The following NUDC variants were observed in gnomAD, a reference collection of about 807,000 sequenced individuals.
NUDC encodes the protein nuclear distribution C, dynein complex regulator.
Under a neutral mutation model 45.0 loss-of-function variants are expected in NUDC, and 14 were observed. The observed-to-expected ratio is 0.31, with a 90% CI of 0.21 to 0.49. NUDC has a LOEUF of 0.49. Among genes scored for constraint, NUDC ranks in the 20% least tolerant of loss-of-function variants. The pLI is 0.99. For missense variants in NUDC, 323 were observed against 426.2 expected (o/e 0.76, Z 2.13); for synonymous variants, 153 against 156.7 (o/e 0.98, Z 0.17).
At chr1:26,911,767 G>T (rs953374399) in intron 3 of NUDC, 2 of 1,581,442 alleles carry the variant, frequency 1.3e-6, no homozygotes, top group East Asian at 2.2e-5. Context: ...AGGAGCATTG[G>T]GTCACCTCTG....
At chr1:26,944,307 C>G (rs2082302202) in intron 6 of NUDC, among the ~76,000 whole-genome samples, 2 of 152,246 alleles carry the variant, frequency 1.3e-5, no homozygotes, top group Admixed American at 1.3e-4. Flanking sequence ...CTCCCGGGCT[C>G]AAACGACCCT....
intron 8 of NUDC, among the ~76,000 whole-genome samples, chr1:26,945,893 G>A (rs968013602): frequency 3.9e-5 from 6 of 152,142 alleles, no homozygotes; most frequent in Non-Finnish European, 7.4e-5. Flanking sequence ...TGCATGATAG[G>A]AGGGAAGGGG....
exon 1 of NUDC, chr1:26,900,338 C>T (rs746093577): frequency 5.0e-6 from 8 of 1,614,002 alleles, no homozygotes; most frequent in African/African-American, 4.0e-5. Context: ...CTTCTCGGAA[C>T]TGGCTAAAAT....
intron 2 of NUDC, among the ~76,000 whole-genome samples, chr1:26,934,466 CT>C (rs1318846262): frequency 1.3e-5 from 2 of 152,146 alleles, no homozygotes; most frequent in African/African-American, 2.4e-5. Context: ...CATTCTGCCC[CT>C]GGTACCCCCG....
At chr1:26,944,146 G>A (rs938463664) in intron 6 of NUDC, among the ~76,000 whole-genome samples, 16 of 151,784 alleles carry the variant, frequency 1.1e-4, no homozygotes, top group East Asian at 1.9e-4. Flanking sequence ...CGCCCACCTC[G>A]GCCTCCCAAA....
chr1:26,931,369 C>T (rs1253767198), intron 2 of NUDC, among the ~76,000 whole-genome samples: 9 of 142,054 alleles, frequency 6.3e-5, no homozygotes, highest in South Asian at 2.3e-4. Flanking sequence ...TGAACCACTG[C>T]GCCTGGCCTT....
chr1:26,926,423 T>C (rs768288152), intron 2 of NUDC, among the ~76,000 whole-genome samples: 5 of 152,204 alleles, frequency 3.3e-5, no homozygotes, highest in Non-Finnish European at 5.9e-5. Context: ...CATCTTTACA[T>C]CTGTAAAATG....
chr1:26,912,100 G>A (rs372780699), intron 3 of NUDC: 2 of 1,612,676 alleles, frequency 1.2e-6, no homozygotes, highest in African/African-American at 2.7e-5. Context: ...TGGGCAGAGA[G>A]GGAGAAGAGG....
intron 3 of NUDC, chr1:26,913,696 TG>T: frequency 6.2e-7 from 1 of 1,611,000 alleles, no homozygotes; most frequent in Non-Finnish European, 8.5e-7. Context: ...CCGCTGGTCC[TG>T]GGGAGGCAGC....
At chr1:26,914,715 C>A (rs1385673233) in intron 3 of NUDC, among the ~76,000 whole-genome samples, 3 of 152,012 alleles carry the variant, frequency 2.0e-5, no homozygotes, top group Non-Finnish European at 4.4e-5. Flanking sequence ...GCCTGTAATC[C>A]CAGCACTTTG....
intron 2 of NUDC, among the ~76,000 whole-genome samples, chr1:26,909,395 G>A (rs1251508658): frequency 1.3e-5 from 2 of 152,184 alleles, no homozygotes; most frequent in African/African-American, 2.4e-5. Context: ...TGGGATGACA[G>A]GCATGAGCCA....
At chr1:26,923,016 A>G (rs1195592298) in intron 1 of NUDC, among the ~76,000 whole-genome samples, 2 of 152,232 alleles carry the variant, frequency 1.3e-5, no homozygotes, top group African/African-American at 4.8e-5. Flanking sequence ...AGATTTAATC[A>G]GATTTAGACC....
At chr1:26,938,323 A>G (rs562702643) in intron 2 of NUDC, among the ~76,000 whole-genome samples, 1 of 152,298 alleles carries the variant, frequency 6.6e-6, no homozygotes, top group Non-Finnish European at 1.5e-5. Context: ...GGAAGGAAGT[A>G]CAAATGGGAT....
intron 3 of NUDC, chr1:26,913,550 C>T (rs769583626): frequency 1.9e-6 from 3 of 1,614,132 alleles, no homozygotes; most frequent in South Asian, 2.2e-5. Context: ...TGGCCACTGC[C>T]TCCACTGCTG....
intron 2 of NUDC, among the ~76,000 whole-genome samples, chr1:26,910,518 C>A (rs777135064): frequency 5.9e-5 from 9 of 152,150 alleles, no homozygotes; most frequent in Non-Finnish European, 1.0e-4. Context: ...ATGATGACGC[C>A]TAGACTGTTA....
chr1:26,922,894 A>G (rs1396241544), intron 1 of NUDC, among the ~76,000 whole-genome samples: 1 of 152,202 alleles, frequency 6.6e-6, no homozygotes, highest in Non-Finnish European at 1.5e-5. Flanking sequence ...TCCTGTCTCC[A>G]TTCCTCTAAA....
rs200668608 is a variant in NUDC, at chr1:26,924,073, T to C, written c.82-16T>C. ...AAATGCAGCTCTACTACTTTAATCT[T>C]CTCCCCCTCTTTCAGCTTGTGAACA... is the stretch of plus-strand genomic sequence containing the variant. On this transcript the variant is annotated splice_polypyrimidine_tract_variant and intron_variant, in intron 1 of 8. Coordinates refer to ENST00000321265, the MANE Select transcript of NUDC (RefSeq NM_006600.4). 2.5e-6 allele frequency: 4 copies of C among 1,613,442 alleles called. No homozygotes were observed. In the African/African-American group the frequency reaches 5.3e-5, roughly 22 times the overall value.
rs537717967 is a variant in NUDC at position 26,931,002 on chromosome 1, C to T, written c.159+6836C>T. On this transcript the variant is annotated intron_variant, in intron 2 of 8. Coordinates refer to ENST00000321265, the MANE Select transcript of NUDC (RefSeq NM_006600.4). ...TTACACTCCAGCCTGGGCCACAGAG[C>T]GAGACTCTGTCTCAGAAAAAAAGTG... is the stretch of plus-strand genomic sequence containing the variant. Among the ~76,000 whole-genome samples, 5 of 152,014 alleles carry T rather than the reference C, an allele frequency of 3.3e-5. No homozygotes were observed. The East Asian group carries it at 7.8e-4, about 24-fold the overall frequency.
At chr1:26,907,096 C>T (rs979945966) in intron 2 of NUDC, among the ~76,000 whole-genome samples, 10 of 152,094 alleles carry the variant, frequency 6.6e-5, no homozygotes, top group African/African-American at 2.4e-4. Flanking sequence ...CTCTCCAGGC[C>T]CATTTCCTCC....
Sources: gnomAD v4.1 joint callset for allele counts (sites outside exome capture counted in the v4.1 genomes callset) on GRCh38, gnomAD v4.1.1 for gene constraint, MANE v1.5 for transcripts, NCBI Gene and HGNC (gene_info 2026-07-23, HGNC 2026-07-21) for gene names.